The following TBCC variants were observed in gnomAD, a reference collection of about 807,000 sequenced individuals.
TBCC encodes tubulin folding cofactor C, also known as tubulin-specific chaperone C.
In TBCC, 25 loss-of-function variants were observed where a neutral mutation model predicts 25.3. The ratio of observed to expected loss-of-function variants is 0.99; its 90% CI spans 0.72 to 1.38. The LOEUF (loss-of-function observed/expected upper bound fraction) is 1.38. TBCC is among the 40% of genes most tolerant of loss of function. The pLI, the probability that TBCC is intolerant of heterozygous loss-of-function variation, is 0.00. For synonymous variants in TBCC, 226 were observed against 192.8 expected (o/e 1.17, Z -1.43); for missense variants, 507 against 447.2 (o/e 1.13, Z -1.21).
rs910026232 is a variant in TBCC, at chr6:42,745,097, C to T, written c.977G>A (p.Arg326Gln). The change falls in exon 1 of 1, where the codon CGG becomes CAG. Residue 326 changes from arginine (R) to glutamine (Q), a missense_variant. Coordinates refer to ENST00000372876, the MANE Select transcript of TBCC (RefSeq NM_003192.3). This position sits in a 1 kb window ranked among gnomAD's most constrained non-coding sequence, Gnocchi z 4.2. ...ACTCCAGTTTGGGGAGGCCATATCC[C>T]GGGCCAGCCAGTTAAAATCGTCAAC... is the stretch of plus-strand genomic sequence containing the variant. ...NDVDDFNWLA[R>Q]DMASPNWSIL... The T allele has an allele frequency of 2.5e-6, 4 of 1,614,062 alleles. No homozygotes were observed. In the African/African-American group the frequency reaches 4.0e-5, roughly 16 times the overall value.
Position 42,745,708 on chromosome 6 carries a change from C to A in TBCC, c.366G>T (p.Ala122=). ...GCCCCCGGCGCCGCTCGGCCAAGGC[C>A]GCCTGCAGCCGCGCCAGCGCCTCTT... ...QGQEALARLQ[A]ALAERRRGLQ... Residue 122 remains alanine, a synonymous_variant, in exon 1 of 1, where the codon GCG becomes GCT. Coordinates refer to ENST00000372876, the MANE Select transcript of TBCC (RefSeq NM_003192.3). This position sits in a 1 kb window ranked among gnomAD's most constrained non-coding sequence, Gnocchi z 4.2. 1 of 1,612,734 alleles carries A rather than the reference C, an allele frequency of 6.2e-7. No individual in the cohort carries two copies. The highest frequency in any genetic ancestry group is 8.5e-7 in the Non-Finnish European group (1 of 1,179,562).
rs1359664173 is a variant in TBCC at position 42,744,841 on chromosome 6, T to C, written c.*192A>G. The C allele has an allele frequency of 4.9e-6, 3 of 615,970 alleles. No individual in the cohort carries two copies. The highest frequency in any genetic ancestry group is 2.3e-5 in the South Asian group (1 of 44,286). 38.2% of individuals were successfully genotyped at this position (615,970 alleles called of 1,614,324 possible). On this transcript the variant is annotated 3_prime_UTR_variant, in exon 1 of 1. Transcript: ENST00000372876. The stretch of plus-strand genomic sequence containing the variant: ...CTCAGTCTCAAAGGCATGACGAAAA[T>C]AGCAAAAATGCTTTAGTGTTATACC...
In TBCC at chr6:42,744,929, G is replaced by A. The variant is rs771346116; in HGVS notation, c.*104C>T. 1.6e-5 allele frequency: 18 copies of A among 1,115,948 alleles called. No individual in the cohort carries two copies. Among genetic ancestry groups the A allele is most frequent in the Non-Finnish European group, 2.3e-5 (18 of 780,056 alleles). 69.1% of individuals were successfully genotyped at this position (1,115,948 alleles called of 1,614,324 possible). ...TTACAATCTCTAGCCTTAAAATGCT[G>A]AAAACATACACAGTGTGACAATAAG... is the stretch of plus-strand genomic sequence containing the variant. On this transcript the variant is annotated 3_prime_UTR_variant, in exon 1 of 1. Transcript: ENST00000372876.
chr6:42,744,575 C>A lies in TBCC; in HGVS notation c.*458G>T. On this transcript the variant is annotated 3_prime_UTR_variant, in exon 1 of 1. Transcript: ENST00000372876. ...CATTACAAAGCAATATAATCACCCT[C>A]CTTCCCCCTTACTGCTTCAAACTAT... is the stretch of plus-strand genomic sequence containing the variant. The A allele has an allele frequency of 6.5e-6, 1 of 154,196 alleles. No individual in the cohort carries two copies. Among genetic ancestry groups the A allele is most frequent in the Non-Finnish European group, 1.4e-5 (1 of 69,314 alleles). The allele number at this position is 154,196 out of a possible 1,614,324, so 9.6% of individuals were successfully genotyped here. A position where few individuals can be genotyped will look rare whatever the true frequency, so the allele number is the denominator to read the frequency against.
In TBCC at chr6:42,745,808, G is replaced by A; in HGVS notation, c.266C>T (p.Ser89Phe). Residue 89 changes from serine to phenylalanine, a missense_variant, in exon 1 of 1, where the codon TCT becomes TTT. Coordinates refer to ENST00000372876, the MANE Select transcript of TBCC (RefSeq NM_003192.3). The surrounding 1 kb of genome is among the most constrained non-coding windows in gnomAD (Gnocchi z 4.2). ...ESVERLEEAASRLQGLQKLIN... is the reference protein window; with the variant it reads ...ESVERLEEAAFRLQGLQKLIN... ...TAGTTTCTGCAGCCCCTGGAGCCGA[G>A]AGGCCGCCTCCTCCAGCCGCTCGAC... 1.2e-6 allele frequency: 2 copies of A among 1,613,174 alleles called. No individual in the cohort carries two copies. Among genetic ancestry groups the A allele is most frequent in the Non-Finnish European group, 1.7e-6 (2 of 1,180,044 alleles).
Position 42,746,065 on chromosome 6 carries a change from G to A in TBCC, c.9C>T (p.Ser3=), listed in dbSNP as rs537953279. 3.6e-5 allele frequency: 58 copies of A among 1,612,856 alleles called. 1 individual carries two copies. Among genetic ancestry groups the A allele is most frequent in the Middle Eastern group, 3.3e-4 (2 of 6,050 alleles). The change falls in exon 1 of 1, where the codon TCC becomes TCT. Residue 3 remains serine, a synonymous_variant. Coordinates refer to ENST00000372876, the MANE Select transcript of TBCC (RefSeq NM_003192.3). The part of the protein sequence containing the change: ME[S]VSCSAAAVRT... ...TGACAGCAGCAGCGGAGCAACTGAC[G>A]GACTCCATATTGGCTTCAAGCTTCC...
chr6:42,745,346 G>C lies in TBCC; in HGVS notation c.728C>G (p.Ser243Cys). 1 of 1,614,224 alleles carries C rather than the reference G, an allele frequency of 6.2e-7. No homozygotes were observed. Among genetic ancestry groups the C allele is most frequent in the Non-Finnish European group, 8.5e-7 (1 of 1,180,028 alleles). Residue 243 changes from serine to cysteine, a missense_variant, in exon 1 of 1, where the codon TCT (serine) becomes TGT (cysteine). Physicochemically the swap from Ser to Cys is moderately radical, Grantham distance 112 (BLOSUM62 -1). Coordinates refer to ENST00000372876, the MANE Select transcript of TBCC (RefSeq NM_003192.3). This position sits in a 1 kb window ranked among gnomAD's most constrained non-coding sequence, Gnocchi z 4.2. ...GTCACTGCAGTCCTCCAGGAAAACAGAGGTAGACACCGGACCGCAGAGCAG... is the reference window on the plus strand; with the variant it reads ...GTCACTGCAGTCCTCCAGGAAAACACAGGTAGACACCGGACCGCAGAGCAG... Reference protein sequence around the residue: ...CKLLCGPVSTSVFLEDCSDCV... With the variant: ...CKLLCGPVSTCVFLEDCSDCV...
rs761092324 is a variant in TBCC, at chr6:42,745,948, C to A, written c.126G>T (p.Arg42Ser). ...REQERQLEVE[R>S]RKQKRQNQEV... ...CCTGGTTCTGCCGCTTTTGTTTCCGCCTTTCAACTTCCAGCTGCCGTTCTT... is the reference window on the plus strand; with the variant it reads ...CCTGGTTCTGCCGCTTTTGTTTCCGACTTTCAACTTCCAGCTGCCGTTCTT... Residue 42 changes from arginine to serine, a missense_variant, in exon 1 of 1, where the codon AGG (arginine) becomes AGT (serine). Physicochemically the swap from Arg to Ser is moderately radical, Grantham distance 110. Coordinates refer to ENST00000372876, the MANE Select transcript of TBCC (RefSeq NM_003192.3). This position sits in a 1 kb window ranked among gnomAD's most constrained non-coding sequence, Gnocchi z 4.2. The A allele has an allele frequency of 5.6e-6, 9 of 1,614,232 alleles. No homozygotes were observed. Among genetic ancestry groups the A allele is most frequent in the Non-Finnish European group, 7.6e-6 (9 of 1,180,040 alleles).
chr6:42,745,864 G>T lies in TBCC; in HGVS notation c.210C>A (p.Ala70=). 6.2e-7 allele frequency: 1 copy of T among 1,613,756 alleles called. No individual in the cohort carries two copies. The highest frequency in any genetic ancestry group is 8.5e-7 in the Non-Finnish European group (1 of 1,180,024). ...FVATFVRERA[A]VEELLERAES... ...CCGCGCGCTCCAGAAGCTCTTCCACGGCCGCTCGCTCCCGAACAAAGGTGG... is the reference window on the plus strand; with the variant it reads ...CCGCGCGCTCCAGAAGCTCTTCCACTGCCGCTCGCTCCCGAACAAAGGTGG... The change falls in exon 1 of 1, where the codon GCC becomes GCA. Residue 70 remains alanine (A), a synonymous_variant. Coordinates refer to ENST00000372876, the MANE Select transcript of TBCC (RefSeq NM_003192.3). The surrounding 1 kb of genome is among the most constrained non-coding windows in gnomAD (Gnocchi z 4.2).
chr6:42,745,063 A>C lies in TBCC; in HGVS notation c.1011T>G (p.Pro337=). The change falls in exon 1 of 1, where the codon CCT becomes CCG. Residue 337 remains proline, a synonymous_variant. Transcript: ENST00000372876. The surrounding 1 kb of genome is among the most constrained non-coding windows in gnomAD (Gnocchi z 4.2). The part of the protein sequence containing the change: ...DMASPNWSIL[P]EEERNIQWD ...CCCACTGGATATTTCGCTCCTCTTCAGGAAGAATACTCCAGTTTGGGGAGG... is the reference window on the plus strand; with the variant it reads ...CCCACTGGATATTTCGCTCCTCTTCCGGAAGAATACTCCAGTTTGGGGAGG... The C allele has an allele frequency of 6.2e-7, 1 of 1,614,240 alleles. No homozygotes were observed. Among genetic ancestry groups the C allele is most frequent in the Non-Finnish European group, 8.5e-7 (1 of 1,180,036 alleles).
At position 42,745,562 on chromosome 6, in the gene TBCC, G is replaced by C; in HGVS notation, c.512C>G (p.Pro171Arg). The change falls in exon 1 of 1, where the codon CCC becomes CGC. Residue 171 changes from proline to arginine, a missense_variant. Coordinates refer to ENST00000372876, the MANE Select transcript of TBCC (RefSeq NM_003192.3). The surrounding 1 kb of genome is among the most constrained non-coding windows in gnomAD (Gnocchi z 4.2). ...AVESIQDSPL[P>R]KKAEGDLGPS... ...GCCGAGGTCTCCTTCCGCCTTCTTG[G>C]GCAGCGGGGAGTCCTGTATGCTTTC... 1 of 1,612,384 alleles carries C rather than the reference G, an allele frequency of 6.2e-7. No homozygotes were observed. Among genetic ancestry groups the C allele is most frequent in the Non-Finnish European group, 8.5e-7 (1 of 1,179,400 alleles).
At position 42,744,792 on chromosome 6, in the gene TBCC, A is replaced by G; in HGVS notation, c.*241T>C. 1 of 384,894 alleles carries G rather than the reference A, an allele frequency of 2.6e-6. No individual in the cohort carries two copies. 23.8% of individuals were successfully genotyped at this position (384,894 alleles called of 1,614,324 possible). On this transcript the variant is annotated 3_prime_UTR_variant, in exon 1 of 1. Transcript: ENST00000372876. ...CGCGCGCCTGTAATCCCAGCGCGCCACCACGCTGGGGGACGGAGTAAGACT... is the reference window on the plus strand; with the variant it reads ...CGCGCGCCTGTAATCCCAGCGCGCCGCCACGCTGGGGGACGGAGTAAGACT...
At position 42,745,073 on chromosome 6, in the gene TBCC, C is replaced by T; in HGVS notation, c.1001G>A (p.Ser334Asn). ...ATTTCGCTCCTCTTCAGGAAGAATA[C>T]TCCAGTTTGGGGAGGCCATATCCCG... ...LARDMASPNW[S>N]ILPEEERNIQ... Residue 334 changes from serine to asparagine, a missense_variant, in exon 1 of 1, where the codon AGT (serine) becomes AAT (asparagine). Coordinates refer to ENST00000372876, the MANE Select transcript of TBCC (RefSeq NM_003192.3). The surrounding 1 kb of genome is among the most constrained non-coding windows in gnomAD (Gnocchi z 4.2). The T allele has an allele frequency of 8.7e-6, 14 of 1,614,192 alleles. No individual in the cohort carries two copies. The highest frequency in any genetic ancestry group is 1.1e-5 in the Non-Finnish European group (13 of 1,180,026).
rs142790610 is a variant in TBCC, at chr6:42,745,385, G to A, written c.689C>T (p.Ala230Val). 3.1e-4 allele frequency: 507 copies of A among 1,614,130 alleles called. 1 individual carries two copies. The highest frequency in any genetic ancestry group is 4.0e-4 in the Non-Finnish European group (474 of 1,180,042). The change falls in exon 1 of 1, where the codon GCC (alanine) becomes GTC (valine). Residue 230 changes from alanine to valine, a missense_variant. Coordinates refer to ENST00000372876, the MANE Select transcript of TBCC (RefSeq NM_003192.3). This position sits in a 1 kb window ranked among gnomAD's most constrained non-coding sequence, Gnocchi z 4.2. ...ACCGCAGAGCAGCTTGCAGCTGTGG[G>A]CCTTGGTTAGCCGCAGGGTGTTGGG... is the stretch of plus-strand genomic sequence containing the variant. ...GNPNTLRLTK[A>V]HSCKLLCGPV...
rs531472211 is a variant in TBCC at position 42,745,805 on chromosome 6, C to A, written c.269G>T (p.Arg90Leu). 1 of 1,612,994 alleles carries A rather than the reference C, an allele frequency of 6.2e-7. No individual in the cohort carries two copies. Among genetic ancestry groups the A allele is most frequent in the Non-Finnish European group, 8.5e-7 (1 of 1,180,040 alleles). Residue 90 changes from arginine to leucine, a missense_variant, in exon 1 of 1, where the codon CGG (arginine) becomes CTG (leucine). Transcript: ENST00000372876. This position sits in a 1 kb window ranked among gnomAD's most constrained non-coding sequence, Gnocchi z 4.2. ...SVERLEEAAS[R>L]LQGLQKLIND... ...GATTAGTTTCTGCAGCCCCTGGAGC[C>A]GAGAGGCCGCCTCCTCCAGCCGCTC...
At position 42,746,098 on chromosome 6, in the gene TBCC, T is replaced by C. The variant is rs1235084512; in HGVS notation, c.-25A>G. Reference sequence around the variant, plus strand: ...TATTGGCTTCAAGCTTCCTCTCTCTTGTCTTCCTTCCTCCGGGCGCGCTGT... The same window carrying C: ...TATTGGCTTCAAGCTTCCTCTCTCTCGTCTTCCTTCCTCCGGGCGCGCTGT... On this transcript the variant is annotated 5_prime_UTR_variant, in exon 1 of 1. Coordinates refer to ENST00000372876, the MANE Select transcript of TBCC (RefSeq NM_003192.3). 1 of 1,591,918 alleles carries C rather than the reference T, an allele frequency of 6.3e-7. No individual in the cohort carries two copies. Among genetic ancestry groups the C allele is most frequent in the African/African-American group, 1.3e-5 (1 of 74,222 alleles).
chr6:42,745,202 G>C lies in TBCC; in HGVS notation c.872C>G (p.Pro291Arg). 6.2e-7 allele frequency: 1 copy of C among 1,614,208 alleles called. No homozygotes were observed. Among genetic ancestry groups the C allele is most frequent in the Non-Finnish European group, 8.5e-7 (1 of 1,180,038 alleles). Reference protein sequence around the residue: ...VEDCSGIQFAPYTWSYPEIDK... With the variant: ...VEDCSGIQFARYTWSYPEIDK... ...GATCTCCGGGTAGCTCCAGGTGTAA[G>C]GGGCGAACTGGATCCCACTGCAGTC... Residue 291 changes from proline to arginine, a missense_variant, in exon 1 of 1, where the codon CCT (proline) becomes CGT (arginine). Transcript: ENST00000372876. This position sits in a 1 kb window ranked among gnomAD's most constrained non-coding sequence, Gnocchi z 4.2.
rs1762244213 is a variant in TBCC, at chr6:42,745,396, C to T, written c.678G>A (p.Arg226=). 1 of 1,614,226 alleles carries T rather than the reference C, an allele frequency of 6.2e-7. No individual in the cohort carries two copies. The highest frequency in any genetic ancestry group is 1.6e-4 in the Middle Eastern group (1 of 6,062). The change falls in exon 1 of 1, where the codon CGG becomes CGA. Residue 226 remains arginine, a synonymous_variant. Transcript: ENST00000372876. This position sits in a 1 kb window ranked among gnomAD's most constrained non-coding sequence, Gnocchi z 4.2. ...VRLYGNPNTL[R]LTKAHSCKLL... is the part of the protein sequence containing the mutation. ...GCTTGCAGCTGTGGGCCTTGGTTAG[C>T]CGCAGGGTGTTGGGATTTCCATACA...
Position 42,745,563 on chromosome 6 carries a change from G to A in TBCC, c.511C>T (p.Pro171Ser), listed in dbSNP as rs148808014. The change falls in exon 1 of 1, where the codon CCC becomes TCC. Residue 171 changes from proline to serine, a missense_variant. Transcript: ENST00000372876. This position sits in a 1 kb window ranked among gnomAD's most constrained non-coding sequence, Gnocchi z 4.2. ...AVESIQDSPLPKKAEGDLGPS... is the reference protein window; with the variant it reads ...AVESIQDSPLSKKAEGDLGPS... ...CCGAGGTCTCCTTCCGCCTTCTTGG[G>A]CAGCGGGGAGTCCTGTATGCTTTCA... is the stretch of plus-strand genomic sequence containing the variant. The A allele has an allele frequency of 6.2e-7, 1 of 1,612,344 alleles. No homozygotes were observed. The highest frequency in any genetic ancestry group is 1.3e-5 in the African/African-American group (1 of 75,026).
Sources: gnomAD v4.1 joint callset for allele counts on GRCh38, gnomAD v4.1.1 for gene constraint, Gnocchi (gnomAD v3.1) non-coding constraint, MANE v1.5 for transcripts, NCBI Gene and HGNC (gene_info 2026-07-23, HGNC 2026-07-21) for gene names.